ZNF571: variants seen among roughly 807,000 people sequenced by gnomAD.
ZNF571 encodes the protein zinc finger protein 571.
A neutral mutation model predicts 7.7 loss-of-function variants in ZNF571; 4 were observed. The ratio of observed to expected loss-of-function variants is 0.52; its 90% CI spans 0.25 to 1.18. ZNF571 has a LOEUF of 1.18. Ranked by LOEUF, ZNF571 falls within the 50% of genes most tolerant of loss-of-function variation. The pLI, the probability that ZNF571 is intolerant of heterozygous loss-of-function variation, is 0.14. For synonymous variants in ZNF571, 251 were observed against 232.4 expected (o/e 1.08, Z -0.73); for missense variants, 704 against 726.9 (o/e 0.97, Z 0.36).
intron 1 of ZNF571, among the ~76,000 whole-genome samples, chr19:37,593,645 G>A (rs2043932335): frequency 6.6e-6 from 1 of 152,178 alleles, no homozygotes; most frequent in African/African-American, 2.4e-5. Flanking sequence ...GGAGCTTGCA[G>A]TGAGCCGAGA....
chr19:37,581,692 G>GGC (rs2043470522), intron 3 of ZNF571, among the ~76,000 whole-genome samples: 1 of 151,362 alleles, frequency 6.6e-6, no homozygotes, highest in African/African-American at 2.4e-5. Context: ...TGAATTCCTG[G>GGC]GCTCAAGCAA....
intron 2 of ZNF571, chr19:37,585,969 G>C (rs1231980651): frequency 6.6e-6 from 1 of 152,206 alleles, no homozygotes; most frequent in African/African-American, 2.4e-5. Flanking sequence ...ACAGCCTTTA[G>C]AACCAGAAAA....
At chr19:37,588,401 T>C (rs895029729) in intron 1 of ZNF571, among the ~76,000 whole-genome samples, 2 of 152,212 alleles carry the variant, frequency 1.3e-5, no homozygotes, top group African/African-American at 4.8e-5. Flanking sequence ...AATCATATCC[T>C]CTGCAGCAAC....
At chr19:37,577,844 C>T (rs2043296524) in intron 3 of ZNF571, among the ~76,000 whole-genome samples, 1 of 152,210 alleles carries the variant, frequency 6.6e-6, no homozygotes, top group Non-Finnish European at 1.5e-5. Flanking sequence ...GAAGTAAATA[C>T]TGTCTCTTTT....
rs1226646643 is a variant in ZNF571, at chr19:37,565,143, TA to T, written c.1284del (p.Phe428LeufsTer122). ...PYKCKECGKA[F>X]ICGKQLSEHQ... ...TGTTCACTAAGTTGTTTGCCACAAA[TA>T]AAGGCCTTTCCACATTCCTTACATT... On this transcript the variant is annotated frameshift_variant, in exon 4 of 4. Coordinates refer to ENST00000451802, the MANE Select transcript of ZNF571 (RefSeq NM_016536.5). LOFTEE classifies it low-confidence loss of function (END_TRUNC). The T allele has an allele frequency of 6.2e-7, 1 of 1,613,334 alleles. No homozygotes were observed. The highest frequency in any genetic ancestry group is 1.7e-5 in the Admixed American group (1 of 59,912).
chr19:37,594,034 C>T (rs765148863), intron 1 of ZNF571: 2 of 152,150 alleles, frequency 1.3e-5, no homozygotes, highest in Non-Finnish European at 2.9e-5. Context: ...AAATAAGCAT[C>T]ATAGAACATC....
chr19:37,581,865 C>T (rs1026024024), intron 3 of ZNF571, among the ~76,000 whole-genome samples: 10 of 150,914 alleles, frequency 6.6e-5, no homozygotes, highest in African/African-American at 2.2e-4. Context: ...CAGGGTGAAC[C>T]AGGAGAATGG....
intron 1 of ZNF571, among the ~76,000 whole-genome samples, chr19:37,592,429 T>C (rs1372146596): frequency 6.6e-6 from 1 of 152,218 alleles, no homozygotes; most frequent in Non-Finnish European, 1.5e-5. Flanking sequence ...ACTGTATATA[T>C]GTTTATGTAC....
At chr19:37,579,910 T>C (rs1227752860) in intron 3 of ZNF571, among the ~76,000 whole-genome samples, 2 of 152,230 alleles carry the variant, frequency 1.3e-5, no homozygotes, top group African/African-American at 2.4e-5. Context: ...AAAGTGTACA[T>C]TCTTATTTTA....
chr19:37,579,343 C>A (rs967933621), intron 3 of ZNF571, among the ~76,000 whole-genome samples: 1 of 152,184 alleles, frequency 6.6e-6, no homozygotes, highest in African/African-American at 2.4e-5. Flanking sequence ...TGGCGCCTGA[C>A]CATTTCCCCC....
At chr19:37,585,103 T>G (rs2147200609) in intron 2 of ZNF571, 1 of 152,348 alleles carries the variant, frequency 6.6e-6, no homozygotes, top group Non-Finnish European at 1.5e-5. Flanking sequence ...AGGTACTGGA[T>G]GCCAGTCCAG....
intron 3 of ZNF571, among the ~76,000 whole-genome samples, chr19:37,567,228 C>A (rs1375037132): frequency 6.6e-6 from 1 of 152,200 alleles, no homozygotes; most frequent in Non-Finnish European, 1.5e-5. Flanking sequence ...CATGCTTAAT[C>A]AAAGCAAGGG....
At chr19:37,591,857 T>G (rs777279291) in intron 1 of ZNF571, among the ~76,000 whole-genome samples, 8 of 152,180 alleles carry the variant, frequency 5.3e-5, no homozygotes, top group Non-Finnish European at 8.8e-5. Context: ...AACCGTATTT[T>G]AAGATAACCA....
In ZNF571 at chr19:37,584,084, A is replaced by G; in HGVS notation, c.23T>C (p.Phe8Ser). The change falls in exon 3 of 4, where the codon TTC (phenylalanine) becomes TCC (serine). Residue 8 changes from phenylalanine to serine, a missense_variant. Coordinates refer to ENST00000451802, the MANE Select transcript of ZNF571 (RefSeq NM_016536.5). MPHLLVT[F>S]RDVAIDFSQE... is the part of the protein sequence containing the mutation. ...AGAGAAGTCAATGGCCACATCCCTG[A>G]AAGTCACCAACAACTGAAACAACAA... 1 of 1,614,186 alleles carries G rather than the reference A, an allele frequency of 6.2e-7. No individual in the cohort carries two copies. The highest frequency in any genetic ancestry group is 8.5e-7 in the Non-Finnish European group (1 of 1,180,012).
chr19:37,581,977 T>C (rs1317411367), intron 3 of ZNF571, among the ~76,000 whole-genome samples: 2 of 152,130 alleles, frequency 1.3e-5, no homozygotes, highest in Non-Finnish European at 2.9e-5. Flanking sequence ...CTTCCTAAAT[T>C]TGTTCCATGG....
chr19:37,593,267 T>C (rs1029241774), intron 1 of ZNF571, among the ~76,000 whole-genome samples: 4 of 152,198 alleles, frequency 2.6e-5, no homozygotes, highest in Non-Finnish European at 5.9e-5. Flanking sequence ...ACAAAGGTAT[T>C]TACAAATGTT....
intron 3 of ZNF571, among the ~76,000 whole-genome samples, chr19:37,574,128 T>A (rs1319328773): frequency 1.3e-5 from 2 of 152,190 alleles, no homozygotes; most frequent in Non-Finnish European, 2.9e-5. Flanking sequence ...GGAGGCCTAT[T>A]TAAAACTATA....
intron 2 of ZNF571, 27 bp from the exon 3 acceptor site, chr19:37,584,124 G>A: frequency 6.2e-7 from 1 of 1,613,440 alleles, no homozygotes; most frequent in Non-Finnish European, 8.5e-7. Context: ...ATTACAGGAT[G>A]ATTCTACAGG....
intron 1 of ZNF571, among the ~76,000 whole-genome samples, chr19:37,590,987 T>C (rs897159374): frequency 6.6e-6 from 1 of 152,180 alleles, no homozygotes; most frequent in Non-Finnish European, 1.5e-5. Flanking sequence ...GCAACCAAGA[T>C]TGTTAGCATA....
Sources: gnomAD v4.1 joint callset for allele counts (sites outside exome capture counted in the v4.1 genomes callset) on GRCh38, gnomAD v4.1.1 for gene constraint, MANE v1.5 for transcripts, NCBI Gene and HGNC (gene_info 2026-07-23, HGNC 2026-07-21) for gene names.